KCNN3: variants seen among roughly 807,000 people sequenced by gnomAD.
KCNN3 encodes small conductance calcium-activated potassium channel protein 3.
In KCNN3, 16 loss-of-function variants were observed where a neutral mutation model predicts 62.9. The ratio of observed to expected loss-of-function variants is 0.25; its 90% CI spans 0.17 to 0.39. The LOEUF (loss-of-function observed/expected upper bound fraction) is 0.39, where lower values mean the gene tolerates loss of function less well. KCNN3 is among the 10% of genes least tolerant of loss of function. KCNN3 has a pLI of 1.00. For synonymous variants in KCNN3, 370 were observed against 389.2 expected (o/e 0.95, Z 0.58); for missense variants, 599 against 949.4 (o/e 0.63, Z 4.85).
intron 3 of KCNN3, among the ~76,000 whole-genome samples, chr1:154,739,785 G>T (rs1351247472): frequency 6.6e-6 from 1 of 152,252 alleles, no homozygotes; most frequent in African/African-American, 2.4e-5. Flanking sequence ...GAATCCACAG[G>T]CCATGTCGGG....
chr1:154,783,810 A>C (rs1649164128), intron 2 of KCNN3, among the ~76,000 whole-genome samples: 1 of 152,254 alleles, frequency 6.6e-6, no homozygotes, highest in East Asian at 1.9e-4. Flanking sequence ...TGAGACTGTA[A>C]GATCAGGAGC....
intron 2 of KCNN3, among the ~76,000 whole-genome samples, chr1:154,796,727 G>A (rs1335575159): frequency 6.6e-6 from 1 of 152,234 alleles, no homozygotes; most frequent in Admixed American, 6.5e-5. Context: ...CAGCTCACCG[G>A]TCGATGTGCA....
chr1:154,770,982 A>G (rs1648528371), intron 3 of KCNN3, among the ~76,000 whole-genome samples: 1 of 152,022 alleles, frequency 6.6e-6, no homozygotes, highest in African/African-American at 2.4e-5. Flanking sequence ...GCTTGAACAC[A>G]GGAGGCAGAG....
chr1:154,763,491 C>A (rs2101829779), intron 3 of KCNN3, among the ~76,000 whole-genome samples: 1 of 152,306 alleles, frequency 6.6e-6, no homozygotes, highest in South Asian at 2.1e-4. Context: ...ATCCTCCCAC[C>A]TCAGCCTCCC....
At chr1:154,820,613 G>A (rs1650851877) in intron 2 of KCNN3, among the ~76,000 whole-genome samples, 1 of 152,186 alleles carries the variant, frequency 6.6e-6, no homozygotes. Flanking sequence ...CGATTCCGTG[G>A]CCCTAGTCCT....
intron 1 of KCNN3, among the ~76,000 whole-genome samples, chr1:154,848,401 A>G (rs1352516019): frequency 6.6e-6 from 1 of 152,032 alleles, no homozygotes; most frequent in Non-Finnish European, 1.5e-5. Flanking sequence ...TTTCACAACT[A>G]TCGCAGTAAC....
chr1:154,862,003 C>A lies in KCNN3; in HGVS notation c.933+7029G>T, dbSNP rs575293324. On this transcript the variant is annotated intron_variant, in intron 1 of 7. Transcript: ENST00000271915. The surrounding 1 kb of genome is among the most constrained non-coding windows in gnomAD (Gnocchi z 4.1). The stretch of plus-strand genomic sequence containing the variant: ...ACTCACTGCCCATGACAGAGCTCAA[C>A]AGAGGCATGAGGCACAGACAGGGAC... 6.6e-5 allele frequency among the ~76,000 whole-genome samples: 10 copies of A among 152,292 alleles called. No homozygotes were observed. In the South Asian group the frequency reaches 2.1e-3, roughly 32 times the overall value.
intron 2 of KCNN3, among the ~76,000 whole-genome samples, chr1:154,791,239 A>AC (rs1340719044): frequency 1.3e-5 from 2 of 151,536 alleles, no homozygotes; most frequent in Non-Finnish European, 2.9e-5. Context: ...AAAAAAAAAA[A>AC]AAAAAAACAA....
intron 2 of KCNN3, among the ~76,000 whole-genome samples, chr1:154,821,769 CA>C (rs1409081655): frequency 6.6e-6 from 1 of 152,224 alleles, no homozygotes; most frequent in Non-Finnish European, 1.5e-5. Context: ...AGCAATGCAT[CA>C]GGGGCTCTCC....
At chr1:154,717,515 G>C (rs1428375286) in intron 5 of KCNN3, among the ~76,000 whole-genome samples, 1 of 151,452 alleles carries the variant, frequency 6.6e-6, no homozygotes, top group Admixed American at 6.6e-5. Flanking sequence ...ATCATTTCCT[G>C]TTTTCCAGGA....
At chr1:154,857,319 G>T (rs565575926) in intron 1 of KCNN3, among the ~76,000 whole-genome samples, 1 of 152,202 alleles carries the variant, frequency 6.6e-6, no homozygotes, top group African/African-American at 2.4e-5. Flanking sequence ...TTGAGGGCTC[G>T]GGTGGCCCCT....
chr1:154,722,729 C>CTT (rs374485465), intron 5 of KCNN3, among the ~76,000 whole-genome samples: 5 of 133,868 alleles, frequency 3.7e-5, no homozygotes, highest in Admixed American at 7.6e-5. Flanking sequence ...GTGAGTATTT[C>CTT]TTTTTTTTTT....
chr1:154,721,010 G>A (rs1700335189), intron 5 of KCNN3, among the ~76,000 whole-genome samples: 1 of 152,218 alleles, frequency 6.6e-6, no homozygotes, highest in Admixed American at 6.5e-5. Context: ...GATGTCAGGA[G>A]CACACCAGGG....
At chr1:154,727,180 G>A (rs754713161) in intron 4 of KCNN3, among the ~76,000 whole-genome samples, 4 of 152,152 alleles carry the variant, frequency 2.6e-5, no homozygotes, top group Non-Finnish European at 4.4e-5. Context: ...GCGCCGCCCT[G>A]ACCACCACTC....
chr1:154,855,270 A>G (rs1652476239), intron 1 of KCNN3, among the ~76,000 whole-genome samples: 1 of 152,120 alleles, frequency 6.6e-6, no homozygotes, highest in Non-Finnish European at 1.5e-5. Context: ...GGTAAGGTTA[A>G]CTTGTTATTG....
At position 154,708,219 on chromosome 1, in the gene KCNN3, G is replaced by A; in HGVS notation, c.1953C>T (p.Asp651=). Residue 651 remains aspartate (D), a synonymous_variant, in exon 8 of 8, where the codon GAC becomes GAT. Coordinates refer to ENST00000271915, the MANE Select transcript of KCNN3 (RefSeq NM_002249.6). ...LITELNDRSE[D]LEKQIGSLES... Reference sequence around the variant, plus strand: ...CCAGGCTGCCAATCTGCTTCTCCAGGTCTTCGCTCCGGTCATTGAGTTCTG... The same window carrying A: ...CCAGGCTGCCAATCTGCTTCTCCAGATCTTCGCTCCGGTCATTGAGTTCTG... 3 of 1,613,904 alleles carry A rather than the reference G, an allele frequency of 1.9e-6. No homozygotes were observed. The highest frequency in any genetic ancestry group is 2.5e-6 in the Non-Finnish European group (3 of 1,179,994).
intron 2 of KCNN3, among the ~76,000 whole-genome samples, chr1:154,819,279 G>A (rs1157320592): frequency 1.3e-5 from 2 of 152,194 alleles, no homozygotes; most frequent in Non-Finnish European, 2.9e-5. Flanking sequence ...TAATAGATGA[G>A]GAAACTGAGG....
chr1:154,715,046 T>G lies in KCNN3; in HGVS notation c.1702-43A>C, dbSNP rs1232960053. ...AAGTAGGCTGCTATCAGGTTCATTT[T>G]CTTAGGTTCATTTTTGTGGTTGCTA... is the stretch of plus-strand genomic sequence containing the variant. On this transcript the variant is annotated intron_variant, in intron 5 of 7. Coordinates refer to ENST00000271915, the MANE Select transcript of KCNN3 (RefSeq NM_002249.6). 1.9e-6 allele frequency: 3 copies of G among 1,611,738 alleles called. No individual in the cohort carries two copies. In the South Asian group the frequency reaches 3.3e-5, roughly 18 times the overall value.
At chr1:154,724,747 C>A (rs138775845) in intron 5 of KCNN3, among the ~76,000 whole-genome samples, 1 of 152,104 alleles carries the variant, frequency 6.6e-6, no homozygotes, top group African/African-American at 2.4e-5. Flanking sequence ...ATAACCACTT[C>A]CATAATGGTT....
Sources: allele counts gnomAD v4.1 joint callset (sites outside exome capture counted in the v4.1 genomes callset), GRCh38; gene constraint gnomAD v4.1.1; non-coding constraint Gnocchi (gnomAD v3.1); transcripts MANE v1.5; gene names NCBI Gene and HGNC (gene_info 2026-07-23, HGNC 2026-07-21).